DAP3: variants seen among roughly 807,000 people sequenced by gnomAD.
DAP3 encodes small ribosomal subunit protein mS29.
Under a neutral mutation model 51.9 loss-of-function variants are expected in DAP3, and 28 were observed. That is an observed-to-expected ratio of 0.54 (90% CI 0.40 to 0.74). DAP3 has a LOEUF of 0.74. Among genes scored for constraint, DAP3 ranks in the 30% least tolerant of loss-of-function variants. The pLI, the probability that DAP3 is intolerant of heterozygous loss-of-function variation, is 0.00. For synonymous variants in DAP3, 170 were observed against 170.3 expected (o/e 1.00, Z 0.01); for missense variants, 458 against 483.5 (o/e 0.95, Z 0.49).
chr1:155,730,579 G>A (rs1427501629), intron 9 of DAP3, among the ~76,000 whole-genome samples: 1 of 151,994 alleles, frequency 6.6e-6, no homozygotes, highest in Non-Finnish European at 1.5e-5. Context: ...TCGTGCCACT[G>A]CATTCCAGGC....
At chr1:155,734,588 C>G (rs993447379) in intron 11 of DAP3, among the ~76,000 whole-genome samples, 1 of 152,114 alleles carries the variant, frequency 6.6e-6, no homozygotes, top group African/African-American at 2.4e-5. Flanking sequence ...AGAGCATTGG[C>G]TTATTTTAGA....
chr1:155,700,541 G>C (rs1299613318), intron 1 of DAP3, among the ~76,000 whole-genome samples: 6 of 151,264 alleles, frequency 4.0e-5, no homozygotes, highest in Non-Finnish European at 8.9e-5. Context: ...CCCCCGCCCG[G>C]CCAGCCGCCC....
At chr1:155,718,579 C>T (rs1410578244) in intron 3 of DAP3, among the ~76,000 whole-genome samples, 1 of 150,940 alleles carries the variant, frequency 6.6e-6, no homozygotes, top group Non-Finnish European at 1.5e-5. Flanking sequence ...CCTAGCTACT[C>T]GGGAGACTGA....
upstream of DAP3, chr1:155,688,941 C>A (rs1426401051): frequency 6.2e-7 from 1 of 1,612,682 alleles, no homozygotes; most frequent in Non-Finnish European, 8.5e-7. Context: ...TCCCTGGGTT[C>A]GTCGCCGCGG....
intron 4 of DAP3, among the ~76,000 whole-genome samples, 199 bp from the exon 5 acceptor site, chr1:155,725,183 G>A (rs906033769): frequency 1.3e-5 from 2 of 152,078 alleles, no homozygotes; most frequent in African/African-American, 4.8e-5. Context: ...TACTTAGTGC[G>A]GAATAATGTA....
At position 155,726,024 on chromosome 1, in the gene DAP3, G is replaced by T; in HGVS notation, c.472+5G>T. The T allele has an allele frequency of 6.2e-7, 1 of 1,611,700 alleles. No homozygotes were observed. The highest frequency in any genetic ancestry group is 8.5e-7 in the Non-Finnish European group (1 of 1,178,170). On this transcript the variant is annotated splice_donor_5th_base_variant and intron_variant, in intron 6 of 12. Coordinates refer to ENST00000368336, the MANE Select transcript of DAP3 (RefSeq NM_004632.4). ...TGATACTACATATTCCAGATGGTAA[G>T]AACTTCCTGTTGTTTCTTCTGTCTG...
chr1:155,729,277 T>G lies in DAP3; in HGVS notation c.754T>G (p.Ser252Ala). The G allele has an allele frequency of 6.2e-7, 1 of 1,614,118 alleles. No individual in the cohort carries two copies. Among genetic ancestry groups the G allele is most frequent in the South Asian group, 1.1e-5 (1 of 91,078 alleles). ...GCTGAAAGAGCTAAAGAGGCAAAGT[T>G]CTTTGGGTATGTTTCACCTCCTAGT... is the stretch of plus-strand genomic sequence containing the variant. The part of the protein sequence containing the change: ...IVLKELKRQS[S>A]LGMFHLLVAV... The change falls in exon 9 of 13, where the codon TCT (serine) becomes GCT (alanine). Residue 252 changes from serine (S) to alanine (A), a missense_variant. Transcript: ENST00000368336.
chr1:155,702,339 G>A (rs1223011910), intron 1 of DAP3, among the ~76,000 whole-genome samples: 1 of 152,030 alleles, frequency 6.6e-6, no homozygotes, highest in South Asian at 2.1e-4. Context: ...TGGGCATGGT[G>A]GCGGGTGCCT....
rs568323431 is a variant in DAP3 at position 155,692,076 on chromosome 1, G to T, written c.-8+2902G>T. ...CAGTACGTCATACACATAATCTGTAGCAGTGGCGGTTTAAGTGAATCTCCT... is the reference window on the plus strand; with the variant it reads ...CAGTACGTCATACACATAATCTGTATCAGTGGCGGTTTAAGTGAATCTCCT... On this transcript the variant is annotated intron_variant, in intron 1 of 12. Transcript: ENST00000368336. Among the ~76,000 whole-genome samples, 68 of 141,834 alleles carry T rather than the reference G, an allele frequency of 4.8e-4. 3 individuals are homozygous for T. Among genetic ancestry groups the T allele is most frequent in the Non-Finnish European group, 8.2e-4 (56 of 68,038 alleles). The allele number at this position is 141,834 out of a possible 152,430, so 93.0% of individuals were successfully genotyped here.
chr1:155,699,305 G>A (rs1654900225), intron 1 of DAP3, among the ~76,000 whole-genome samples: 1 of 152,194 alleles, frequency 6.6e-6, no homozygotes, highest in Non-Finnish European at 1.5e-5. Context: ...TTAACTAGGA[G>A]CCTGCATATC....
At chr1:155,688,713 C>T (rs556204470), upstream of DAP3, 2 of 1,520,796 alleles carry the variant, frequency 1.3e-6, no homozygotes, top group East Asian at 2.4e-5. Flanking sequence ...CTCCCCCTCC[C>T]TCCCCGCCCG....
chr1:155,718,124 G>A (rs766851405), intron 3 of DAP3, among the ~76,000 whole-genome samples: 8 of 152,156 alleles, frequency 5.3e-5, no homozygotes, highest in African/African-American at 1.7e-4. Flanking sequence ...GGTGGCTCAC[G>A]ACTGTCATCC....
rs75449116 is a variant in DAP3 at position 155,692,752 on chromosome 1, C to T, written c.-8+3578C>T. Among the ~76,000 whole-genome samples, 277 of 142,140 alleles carry T rather than the reference C, an allele frequency of 1.9e-3. 17 individuals are homozygous for T. Among genetic ancestry groups the T allele is most frequent in the Non-Finnish European group, 2.9e-3 (195 of 68,022 alleles). 93.2% of individuals were successfully genotyped at this position (142,140 alleles called of 152,430 possible). A position where few individuals can be genotyped will look rare whatever the true frequency, so the allele number is the denominator to read the frequency against. On this transcript the variant is annotated intron_variant, in intron 1 of 12. Coordinates refer to ENST00000368336, the MANE Select transcript of DAP3 (RefSeq NM_004632.4). ...AGCATTGTATGAATGGGGAGTTATG[C>T]AGAAATCAGAAGTATTCCAATCACA... is the stretch of plus-strand genomic sequence containing the variant.
intron 1 of DAP3, among the ~76,000 whole-genome samples, chr1:155,696,780 C>T (rs756928226): frequency 1.3e-5 from 2 of 152,204 alleles, no homozygotes; most frequent in Non-Finnish European, 2.9e-5. Flanking sequence ...GTAAAACCTT[C>T]CAATGATATC....
chr1:155,716,573 A>G (rs1388457303), intron 2 of DAP3, among the ~76,000 whole-genome samples: 2 of 145,742 alleles, frequency 1.4e-5, no homozygotes, highest in African/African-American at 5.0e-5. Flanking sequence ...ACTCCATCTC[A>G]AAAAAAAAAA....
intron 2 of DAP3, among the ~76,000 whole-genome samples, chr1:155,711,265 G>A (rs189770743): frequency 6.6e-6 from 1 of 152,266 alleles, no homozygotes; most frequent in East Asian, 1.9e-4. Flanking sequence ...GGCCGAGGCA[G>A]GCAGATCACC....
chr1:155,709,966 T>A, intron 2 of DAP3, 142 bp downstream of exon 2: 1 of 675,180 alleles, frequency 1.5e-6, no homozygotes, highest in Non-Finnish European at 2.5e-6. Context: ...TAATTGTGCT[T>A]GAGAATTTAC....
At chr1:155,732,066 A>AT (rs1659292963) in intron 11 of DAP3, 33 bp downstream of exon 11, 6 of 1,547,830 alleles carry the variant, frequency 3.9e-6, no homozygotes, top group Non-Finnish European at 5.3e-6. Context: ...TTCTACTTAG[A>AT]TTGTTATCCT....
At chr1:155,736,791 T>G (rs971532442) in intron 11 of DAP3, 155 bp from the exon 12 acceptor site, 2 of 691,480 alleles carry the variant, frequency 2.9e-6, no homozygotes, top group African/African-American at 3.6e-5. Context: ...AGTCCATATG[T>G]GGAGTCCTGT....
Sources: allele counts gnomAD v4.1 joint callset (sites outside exome capture counted in the v4.1 genomes callset), GRCh38; gene constraint gnomAD v4.1.1; transcripts MANE v1.5; gene names NCBI Gene and HGNC (gene_info 2026-07-23, HGNC 2026-07-21).